The following TGM5 variants were observed in gnomAD, a reference collection of about 807,000 sequenced individuals.
The protein encoded by TGM5 is protein-glutamine gamma-glutamyltransferase 5.
Under a neutral mutation model 77.2 loss-of-function variants are expected in TGM5, and 69 were observed. The observed-to-expected ratio is 0.89, with a 90% CI of 0.74 to 1.09. The LOEUF is 1.09. Ranked by LOEUF, TGM5 falls within the 50% of genes least tolerant of loss-of-function variation. The probability of loss-of-function intolerance (pLI) is 0.00; values close to 1 mark genes in which losing one functional copy is unlikely to be tolerated. For missense variants in TGM5, 842 were observed against 896.5 expected, an observed-to-expected ratio of 0.94 and a Z score of 0.78; for synonymous variants, 346 against 351.8, an observed-to-expected ratio of 0.98 and a Z score of 0.18.
At chr15:43,241,589 G>A (rs1404851429) in intron 6 of TGM5, among the ~76,000 whole-genome samples, 1 of 152,168 alleles carries the variant, frequency 6.6e-6, no homozygotes, top group Non-Finnish European at 1.5e-5. Context: ...AGAAGGTAGA[G>A]TGTTGTCTTT....
intron 1 of TGM5, among the ~76,000 whole-genome samples, chr15:43,265,835 C>A (rs1329271695): frequency 1.3e-5 from 2 of 152,140 alleles, no homozygotes; most frequent in Non-Finnish European, 2.9e-5. Flanking sequence ...ATTACTTGCA[C>A]TGATACTATG....
chr15:43,260,495 AG>A lies in TGM5; in HGVS notation c.94del (p.Val33PhefsTer70). 1 of 1,614,186 alleles carries A rather than the reference AG, an allele frequency of 6.2e-7. No individual in the cohort carries two copies. On this transcript the variant is annotated frameshift_variant, in exon 2 of 13. Transcript: ENST00000220420. LOFTEE classifies it high-confidence loss of function. ...GTTGAAGGCCTGGCCCCGGCGAACAAGCAGGTGGTCCACAGTGATCTCCTCC... is the reference window on the plus strand; with the variant it reads ...GTTGAAGGCCTGGCCCCGGCGAACAACAGGTGGTCCACAGTGATCTCCTCC... ...HTEEITVDHL[L>X]VRRGQAFNLT...
At chr15:43,242,529 C>T (rs1055168954) in intron 6 of TGM5, among the ~76,000 whole-genome samples, 1 of 152,238 alleles carries the variant, frequency 6.6e-6, no homozygotes, top group African/African-American at 2.4e-5. Flanking sequence ...GTTCTTCACA[C>T]ACACTACTGT....
chr15:43,250,424 A>T (rs895018883), intron 6 of TGM5, among the ~76,000 whole-genome samples: 2 of 152,284 alleles, frequency 1.3e-5, no homozygotes, highest in African/African-American at 4.8e-5. Flanking sequence ...TCAGCCAATT[A>T]ATGGTAGTGC....
intron 3 of TGM5, among the ~76,000 whole-genome samples, chr15:43,257,585 G>A (rs543914060): frequency 6.6e-6 from 1 of 152,178 alleles, no homozygotes; most frequent in Admixed American, 6.5e-5. Context: ...TGTTGGGGGT[G>A]TGGAGACGAT....
In TGM5 at chr15:43,256,648, C is replaced by T. The variant is rs2042744373; in HGVS notation, c.475G>A (p.Glu159Lys). ...VYLDSEPQRQ[E>K]YVMNDYGFIY... ...AAGCCATAATCATTCATGACATACT[C>T]CTGCCTCTGGGGTTCACTGTCCAAG... Residue 159 changes from glutamate (E) to lysine (K), a missense_variant, in exon 4 of 13, where the codon GAG becomes AAG. This residue lies in a region of TGM5 where 815 missense variants were observed against 844.6 expected (regional missense o/e 0.96). Coordinates refer to ENST00000220420, the MANE Select transcript of TGM5 (RefSeq NM_201631.4). 1 of 1,614,110 alleles carries T rather than the reference C, an allele frequency of 6.2e-7. No homozygotes were observed. The highest frequency in any genetic ancestry group is 1.1e-5 in the South Asian group (1 of 91,076).
chr15:43,246,395 G>A (rs1279121198), intron 6 of TGM5, among the ~76,000 whole-genome samples: 4 of 152,124 alleles, frequency 2.6e-5, no homozygotes, highest in Non-Finnish European at 5.9e-5. Flanking sequence ...TCTCAGCCAG[G>A]CATCAAGGTC....
At chr15:43,234,744 A>G in intron 11 of TGM5, 25 bp downstream of exon 11, 1 of 1,613,972 alleles carries the variant, frequency 6.2e-7, no homozygotes, top group South Asian at 1.1e-5. Context: ...GAGCCCCACA[A>G]GCCATTTGCA....
At position 43,252,816 on chromosome 15, in the gene TGM5, C is replaced by T. The variant is rs775584581; in HGVS notation, c.805G>A (p.Gly269Ser). Reference protein sequence around the residue: ...VAILKQWNATGCQPVRYGQCW... With the variant: ...VAILKQWNATSCQPVRYGQCW... The stretch of plus-strand genomic sequence containing the variant: ...TGCCCGTAGCGCACGGGCTGGCAGC[C>T]TGTGGCGTTCCACTGCTTCAGGATG... The change falls in exon 6 of 13, where the codon GGC (glycine) becomes AGC (serine). Residue 269 changes from glycine (G) to serine (S), a missense_variant. By Grantham distance (56) the Gly-to-Ser change is moderately conservative. Coordinates refer to ENST00000220420, the MANE Select transcript of TGM5 (RefSeq NM_201631.4). The T allele has an allele frequency of 6.8e-6, 11 of 1,614,074 alleles. No homozygotes were observed. Among genetic ancestry groups the T allele is most frequent in the Non-Finnish European group, 9.3e-6 (11 of 1,180,036 alleles).
chr15:43,233,471 G>C, intron 12 of TGM5, 83 bp downstream of exon 12: 1 of 1,612,906 alleles, frequency 6.2e-7, no homozygotes, highest in Non-Finnish European at 8.5e-7. Flanking sequence ...TGTGGAGTCT[G>C]GCTCAGGAAC....
intron 6 of TGM5, among the ~76,000 whole-genome samples, chr15:43,244,271 G>T (rs1242287731): frequency 2.6e-5 from 4 of 152,180 alleles, no homozygotes; most frequent in Non-Finnish European, 5.9e-5. Context: ...GCTCATATAA[G>T]ACTTTTCTTG....
rs1278485521 is a variant in TGM5 at position 43,233,816 on chromosome 15, C to T, written c.1876-129G>A. Reference sequence around the variant, plus strand: ...AATATGCCACTTTGGCATAAGAATTCTTTGAGCCGAAGACAATTGAGAAGA... The same window carrying T: ...AATATGCCACTTTGGCATAAGAATTTTTTGAGCCGAAGACAATTGAGAAGA... On this transcript the variant is annotated intron_variant, in intron 11 of 12. Coordinates refer to ENST00000220420, the MANE Select transcript of TGM5 (RefSeq NM_201631.4). The T allele has an allele frequency of 2.0e-5, 22 of 1,116,772 alleles. No homozygotes were observed. In the Admixed American group the frequency reaches 3.4e-4, roughly 17 times the overall value. 69.2% of individuals were successfully genotyped at this position (1,116,772 alleles called of 1,614,324 possible).
intron 3 of TGM5, among the ~76,000 whole-genome samples, chr15:43,259,103 A>G (rs1186702387): frequency 1.3e-5 from 2 of 152,104 alleles, no homozygotes; most frequent in African/African-American, 4.8e-5. Flanking sequence ...TGGGAAGCGG[A>G]TGGTCCCCTA....
At position 43,260,210 on chromosome 15, in the gene TGM5, T is replaced by C; in HGVS notation, c.278A>G (p.Glu93Gly). The C allele has an allele frequency of 6.2e-7, 1 of 1,613,990 alleles. No individual in the cohort carries two copies. The highest frequency in any genetic ancestry group is 1.3e-5 in the African/African-American group (1 of 75,038). ...CTCTGTGGAGGTGGCCCCATTGGTCTCCAGCCAGGCAATCCAGGGGCTGGG... is the reference window on the plus strand; with the variant it reads ...CTCTGTGGAGGTGGCCCCATTGGTCCCCAGCCAGGCAATCCAGGGGCTGGG... ...HSPSPWIAWL[E>G]TNGATSTEVS... The change falls in exon 3 of 13, where the codon GAG becomes GGG. Residue 93 changes from glutamate to glycine, a missense_variant. By Grantham distance (98) the Glu-to-Gly change is moderately conservative. Around this residue, in one of 2 missense-constraint regions of TGM5, gnomAD observed 815 missense variants for 844.6 expected, o/e 0.96. Coordinates refer to ENST00000220420, the MANE Select transcript of TGM5 (RefSeq NM_201631.4).
Position 43,238,910 on chromosome 15 carries a change from G to T in TGM5, c.1252C>A (p.Gln418Lys), listed in dbSNP as rs144961145. The T allele has an allele frequency of 3.1e-5, 50 of 1,614,096 alleles. No individual in the cohort carries two copies. The Middle Eastern group carries it at 4.9e-4, about 16-fold the overall frequency. Residue 418 changes from glutamine to lysine, a missense_variant, in exon 9 of 13, where the codon CAG becomes AAG. By Grantham distance (53) the Gln-to-Lys change is moderately conservative. Around this residue, in one of 2 missense-constraint regions of TGM5, gnomAD observed 815 missense variants for 844.6 expected, o/e 0.96. Coordinates refer to ENST00000220420, the MANE Select transcript of TGM5 (RefSeq NM_201631.4). ...VQGGKEQKLH[Q>K]DTSSVGNFIS... is the part of the protein sequence containing the mutation. ...AAATTGCCAACAGAACTCGTGTCCTGGTGAAGCTTCTGCTCCTTCCCTCCC... is the reference window on the plus strand; with the variant it reads ...AAATTGCCAACAGAACTCGTGTCCTTGTGAAGCTTCTGCTCCTTCCCTCCC...
At position 43,260,117 on chromosome 15, in the gene TGM5, A is replaced by G. The variant is rs778176339; in HGVS notation, c.371T>C (p.Phe124Ser). 1.9e-6 allele frequency: 3 copies of G among 1,614,144 alleles called. No homozygotes were observed. The East Asian group carries it at 6.7e-5, about 36-fold the overall frequency. ...CTGGTAGGCCGTCACAGACCCCTGG[A>G]AGGAGTCGATGTGGATTTTCAAGAG... ...RYLLKIHIDS[F>S]QGSVTAYQLG... is the part of the protein sequence containing the mutation. The change falls in exon 3 of 13, where the codon TTC becomes TCC. Residue 124 changes from phenylalanine (F) to serine (S), a missense_variant. Physicochemically the swap from Phe to Ser is radical, Grantham distance 155. Around this residue, in one of 2 missense-constraint regions of TGM5, gnomAD observed 815 missense variants for 844.6 expected, o/e 0.96. Coordinates refer to ENST00000220420, the MANE Select transcript of TGM5 (RefSeq NM_201631.4).
At chr15:43,254,060 G>C (rs561830941) in intron 4 of TGM5, among the ~76,000 whole-genome samples, 1 of 152,302 alleles carries the variant, frequency 6.6e-6, no homozygotes, top group East Asian at 1.9e-4. Flanking sequence ...CTGAAGTGAG[G>C]GTGCCAACCT....
At chr15:43,265,775 G>A (rs939509447) in intron 1 of TGM5, among the ~76,000 whole-genome samples, 11 of 152,170 alleles carry the variant, frequency 7.2e-5, no homozygotes, top group South Asian at 2.1e-4. Context: ...TTGTGTAACC[G>A]GAAAATTGAA....
At chr15:43,243,268 A>G (rs989738008) in intron 6 of TGM5, among the ~76,000 whole-genome samples, 8 of 152,236 alleles carry the variant, frequency 5.3e-5, no homozygotes, top group Non-Finnish European at 1.2e-4. Flanking sequence ...ATCTTGCTGC[A>G]TCTTTGCTGG....
Sources: allele counts gnomAD v4.1 joint callset (sites outside exome capture counted in the v4.1 genomes callset), GRCh38; gene constraint gnomAD v4.1.1; regional missense constraint gnomAD v4.1.1; transcripts MANE v1.5; gene names NCBI Gene and HGNC (gene_info 2026-07-23, HGNC 2026-07-21).